Variants in MBTD1 observed in about 807,000 individuals in gnomAD.
MBTD1 encodes the protein mbt domain containing 1.
A neutral mutation model predicts 87.8 loss-of-function variants in MBTD1; 24 were observed. The observed-to-expected ratio is 0.27, with a 90% CI of 0.20 to 0.38. The LOEUF is 0.38. Among genes scored for constraint, MBTD1 ranks in the 10% least tolerant of loss-of-function variants. MBTD1 has a pLI of 1.00. For synonymous variants in MBTD1, 237 were observed against 248.6 expected (o/e 0.95, Z 0.44); for missense variants, 436 against 760.2 (o/e 0.57, Z 5.02).
At position 51,194,566 on chromosome 17, in the gene MBTD1, C is replaced by CAAAAAAAAAAAAAAAAAA. The variant is rs71355733; in HGVS notation, c.1372+630_1372+647dup. Among the ~76,000 whole-genome samples the CAAAAAAAAAAAAAAAAAA allele has an allele frequency of 1.7e-3, 33 of 19,734 alleles. 11 individuals are homozygous for CAAAAAAAAAAAAAAAAAA. Among genetic ancestry groups the CAAAAAAAAAAAAAAAAAA allele is most frequent in the African/African-American group, 7.1e-3 (27 of 3,804 alleles). 12.9% of individuals were successfully genotyped at this position (19,734 alleles called of 152,430 possible). On this transcript the variant is annotated intron_variant, in intron 13 of 16. Coordinates refer to ENST00000586178, the MANE Select transcript of MBTD1 (RefSeq NM_017643.3). ...CCTGGGTGACAGAGCGAGACTGTCT[C>CAAAAAAAAAAAAAAAAAA]AAAAAAAAAAAAAAAAAAAAAAAAA...
rs559099969 is a variant in MBTD1, at chr17:51,188,513, C to T, written c.1768+3690G>A. Among the ~76,000 whole-genome samples the T allele has an allele frequency of 1.4e-3, 218 of 152,260 alleles. 1 individual carries two copies. Among genetic ancestry groups the T allele is most frequent in the Non-Finnish European group, 2.7e-3 (182 of 68,026 alleles). On this transcript the variant is annotated intron_variant, in intron 16 of 16. Coordinates refer to ENST00000586178, the MANE Select transcript of MBTD1 (RefSeq NM_017643.3). The stretch of plus-strand genomic sequence containing the variant: ...GCCAGAATATGATAACCTACCAAGG[C>T]AAACGTAAAAACAAAAGGTTTTATA...
At chr17:51,250,665 A>C (rs1260193878) in intron 2 of MBTD1, 1 of 152,210 alleles carries the variant, frequency 6.6e-6, no homozygotes, top group Non-Finnish European at 1.5e-5. Flanking sequence ...CTTTACAGTC[A>C]TACAGCTTTA....
chr17:51,248,083 A>G (rs994070550), intron 2 of MBTD1, among the ~76,000 whole-genome samples: 2 of 152,020 alleles, frequency 1.3e-5, no homozygotes, highest in East Asian at 1.9e-4. Context: ...TCCCGTTGTT[A>G]TTTCTTAAAA....
intron 4 of MBTD1, among the ~76,000 whole-genome samples, chr17:51,219,275 T>C (rs989326385): frequency 2.0e-5 from 3 of 152,302 alleles, no homozygotes; most frequent in Non-Finnish European, 2.9e-5. Context: ...AACAGCAATA[T>C]GCAAATTAAT....
chr17:51,248,612 G>T (rs528950433), intron 2 of MBTD1, among the ~76,000 whole-genome samples: 10 of 152,222 alleles, frequency 6.6e-5, no homozygotes, highest in African/African-American at 2.4e-4. Context: ...TATATAAATG[G>T]CATAAAATCG....
intron 2 of MBTD1, among the ~76,000 whole-genome samples, chr17:51,243,703 T>A (rs1310559700): frequency 6.6e-6 from 1 of 152,162 alleles, no homozygotes; most frequent in Non-Finnish European, 1.5e-5. Context: ...TAGTTTTAAT[T>A]TTTTTTAGAT....
chr17:51,182,620 A>G (rs2050367363), intron 16 of MBTD1, among the ~76,000 whole-genome samples: 1 of 152,178 alleles, frequency 6.6e-6, no homozygotes, highest in Non-Finnish European at 1.5e-5. Context: ...TCCACCACAG[A>G]GCTCACTGCC....
chr17:51,193,397 C>G, intron 14 of MBTD1, 31 bp downstream of exon 14: 1 of 1,469,422 alleles, frequency 6.8e-7, no homozygotes, highest in South Asian at 1.2e-5. Context: ...TTAATAAGTC[C>G]TCACATAATT....
intron 2 of MBTD1, among the ~76,000 whole-genome samples, chr17:51,237,572 G>T (rs2053920970): frequency 6.6e-6 from 1 of 152,134 alleles, no homozygotes; most frequent in Non-Finnish European, 1.5e-5. Flanking sequence ...AACATGAAAA[G>T]ATGCTCAACA....
At chr17:51,226,679 T>A (rs1414424881) in intron 2 of MBTD1, among the ~76,000 whole-genome samples, 1 of 150,614 alleles carries the variant, frequency 6.6e-6, no homozygotes, top group Non-Finnish European at 1.5e-5. Context: ...TCACCCAGGC[T>A]GGAGTGCAGT....
intron 2 of MBTD1, among the ~76,000 whole-genome samples, chr17:51,239,832 A>T (rs1003449540): frequency 1.3e-5 from 2 of 152,210 alleles, no homozygotes; most frequent in Admixed American, 6.5e-5. Flanking sequence ...CCTAGTAATA[A>T]GGATATTCTC....
intron 12 of MBTD1, among the ~76,000 whole-genome samples, chr17:51,199,797 A>G (rs1396405449): frequency 1.3e-5 from 2 of 151,740 alleles, no homozygotes; most frequent in South Asian, 2.1e-4. Context: ...GTGACATGGC[A>G]GCCATCATAA....
chr17:51,184,921 T>C (rs1258015853), intron 16 of MBTD1: 3 of 152,234 alleles, frequency 2.0e-5, no homozygotes, highest in African/African-American at 7.2e-5. Context: ...TAATTTGTTT[T>C]TCGTACAAAA....
chr17:51,252,772 T>C (rs539318626), intron 2 of MBTD1, among the ~76,000 whole-genome samples: 1 of 151,742 alleles, frequency 6.6e-6, no homozygotes, highest in East Asian at 1.9e-4. Context: ...CCCAAAAAAC[T>C]GCAAATCATA....
intron 5 of MBTD1, 70 bp downstream of exon 5, chr17:51,218,860 C>T: frequency 1.1e-6 from 1 of 922,284 alleles, no homozygotes; most frequent in Middle Eastern, 2.1e-4. Context: ...TTCAAAATTA[C>T]AATGTCATTA....
chr17:51,201,449 T>C (rs1251654818), intron 12 of MBTD1, 143 bp downstream of exon 12: 2 of 505,008 alleles, frequency 4.0e-6, no homozygotes, highest in Non-Finnish European at 6.9e-6. Context: ...AAATTTATTT[T>C]GAAATTCCTA....
At chr17:51,216,469 T>C (rs1337146128) in intron 6 of MBTD1, among the ~76,000 whole-genome samples, 1 of 152,206 alleles carries the variant, frequency 6.6e-6, no homozygotes, top group Non-Finnish European at 1.5e-5. Context: ...TTTTAAATGC[T>C]CTGTAACAAT....
chr17:51,180,644 A>C lies in MBTD1; in HGVS notation c.1819T>G (p.Phe607Val). ...TCCTGATCAGACGCTCCTTGAAGGA[A>C]ATTATAATCCTCTCCATCCAGCAAC... ...EELLDGEDYN[F>V]LQGASDQESN... Residue 607 changes from phenylalanine (F) to valine (V), a missense_variant, in exon 17 of 17, where the codon TTC (phenylalanine) becomes GTC (valine). By Grantham distance (50) the Phe-to-Val change is conservative. This residue lies in a region of MBTD1 where 32 missense variants were observed against 34.7 expected (regional missense o/e 0.92). Coordinates refer to ENST00000586178, the MANE Select transcript of MBTD1 (RefSeq NM_017643.3). 1 of 1,551,506 alleles carries C rather than the reference A, an allele frequency of 6.4e-7. No individual in the cohort carries two copies. Among genetic ancestry groups the C allele is most frequent in the Non-Finnish European group, 8.7e-7 (1 of 1,146,634 alleles).
At chr17:51,197,087 T>TGGAGG (rs2051171166) in intron 12 of MBTD1, among the ~76,000 whole-genome samples, 2 of 11,950 alleles carry the variant, frequency 1.7e-4, no homozygotes, top group Non-Finnish European at 2.9e-4. Flanking sequence ...TATATATATA[T>TGGAGG]ATATATATAT....
Sources: allele counts gnomAD v4.1 joint callset (sites outside exome capture counted in the v4.1 genomes callset), GRCh38; gene constraint gnomAD v4.1.1; regional missense constraint gnomAD v4.1.1; transcripts MANE v1.5; gene names NCBI Gene and HGNC (gene_info 2026-07-23, HGNC 2026-07-21).